Variants in ALCAM observed in about 807,000 individuals in gnomAD.
ALCAM encodes the protein activated leukocyte cell adhesion molecule.
In ALCAM, 30 loss-of-function variants were observed where a neutral mutation model predicts 70.9. The observed-to-expected ratio is 0.42, with a 90% confidence interval of 0.32 to 0.57. ALCAM has a LOEUF of 0.57. Among genes scored for constraint, ALCAM ranks in the 20% least tolerant of loss-of-function variants. The pLI, the probability that ALCAM is intolerant of heterozygous loss-of-function variation, is 0.11. For missense variants in ALCAM, 591 were observed against 695.1 expected (o/e 0.85, Z 1.68); for synonymous variants, 249 against 242.5 (o/e 1.03, Z -0.25).
chr3:105,556,879 C>G (rs868462214), intron 14 of ALCAM, among the ~76,000 whole-genome samples: 3 of 152,020 alleles, frequency 2.0e-5, no homozygotes, highest in Non-Finnish European at 4.4e-5. Context: ...TCATTTATCA[C>G]TGCATGAGAA....
chr3:105,422,441 A>G (rs983978640), intron 1 of ALCAM, among the ~76,000 whole-genome samples: 24 of 151,462 alleles, frequency 1.6e-4, no homozygotes, highest in Non-Finnish European at 7.4e-5. Flanking sequence ...TATCTGAACT[A>G]ATGCACTTTT....
chr3:105,548,282 A>G (rs1264730594), intron 11 of ALCAM, among the ~76,000 whole-genome samples: 5 of 151,314 alleles, frequency 3.3e-5, no homozygotes, highest in South Asian at 2.1e-4. Context: ...TAATTTGCCA[A>G]TCTGCTTGGG....
chr3:105,400,311 TA>T lies in ALCAM; in HGVS notation c.73+32837del, dbSNP rs1419316175. On this transcript the variant is annotated intron_variant, in intron 1 of 15. Transcript: ENST00000306107. ...TACTATTAGGTTTTGAAAAATGCCT[TA>T]AAAAAATCTGCTGCAAACATCATTT... Among the ~76,000 whole-genome samples, 3 of 152,242 alleles carry T rather than the reference TA, an allele frequency of 2.0e-5. No homozygotes were observed. The South Asian group carries it at 6.2e-4, about 32-fold the overall frequency.
chr3:105,508,603 T>C (rs1402634739), intron 1 of ALCAM, among the ~76,000 whole-genome samples: 1 of 152,174 alleles, frequency 6.6e-6, no homozygotes, highest in African/African-American at 2.4e-5. Flanking sequence ...GTCTATTTAA[T>C]CTTTTATTGT....
chr3:105,483,555 G>T (rs1301878932), intron 1 of ALCAM, among the ~76,000 whole-genome samples: 1 of 152,110 alleles, frequency 6.6e-6, no homozygotes, highest in Non-Finnish European at 1.5e-5. Flanking sequence ...AGTTCTGTTT[G>T]TGCCTGTAAA....
intron 1 of ALCAM, among the ~76,000 whole-genome samples, chr3:105,410,212 A>G (rs1936352034): frequency 6.6e-6 from 1 of 151,984 alleles, no homozygotes; most frequent in Non-Finnish European, 1.5e-5. Flanking sequence ...TACCCATACT[A>G]TTTGTAGGTT....
At chr3:105,510,747 T>G (rs1939215112) in intron 1 of ALCAM, among the ~76,000 whole-genome samples, 1 of 152,104 alleles carries the variant, frequency 6.6e-6, no homozygotes, top group South Asian at 2.1e-4. Context: ...TGTAAGAACT[T>G]GTTTTCCTTA....
chr3:105,405,698 A>G (rs964759456), intron 1 of ALCAM, among the ~76,000 whole-genome samples: 1 of 152,194 alleles, frequency 6.6e-6, no homozygotes, highest in Non-Finnish European at 1.5e-5. Context: ...AAATTATATC[A>G]TGTACTCTCT....
At chr3:105,396,516 T>C (rs1338110429) in intron 1 of ALCAM, among the ~76,000 whole-genome samples, 1 of 152,052 alleles carries the variant, frequency 6.6e-6, no homozygotes, top group Non-Finnish European at 1.5e-5. Context: ...ACTGGACTTC[T>C]TCCTAAAAGG....
intron 1 of ALCAM, among the ~76,000 whole-genome samples, chr3:105,380,221 T>C (rs1257432799): frequency 6.6e-6 from 1 of 151,874 alleles, no homozygotes; most frequent in African/African-American, 2.4e-5. Flanking sequence ...ATTTTCAAGC[T>C]AAATTGATAT....
rs543137949 is a variant in ALCAM, at chr3:105,399,868, T to C, written c.73+32387T>C. On this transcript the variant is annotated intron_variant, in intron 1 of 15. Coordinates refer to ENST00000306107, the MANE Select transcript of ALCAM (RefSeq NM_001627.4). ...TTGGCCTTAGAATACAGAGCATTCT[T>C]ACCCACTGGCTAAGATTAACTTGGT... is the stretch of plus-strand genomic sequence containing the variant. 7.2e-5 allele frequency among the ~76,000 whole-genome samples: 11 copies of C among 152,268 alleles called. No individual in the cohort carries two copies. The East Asian group carries it at 1.9e-3, about 27-fold the overall frequency.
At chr3:105,528,013 C>A (rs934845232) in intron 3 of ALCAM, among the ~76,000 whole-genome samples, 1 of 152,132 alleles carries the variant, frequency 6.6e-6, no homozygotes, top group Non-Finnish European at 1.5e-5. Flanking sequence ...ACCTTTTGCT[C>A]ACAGTAGTTG....
rs579565 is a variant in ALCAM at position 105,541,674 on chromosome 3, G to C, written c.900G>C (p.Leu300=). The C allele has an allele frequency of 5.0e-6, 8 of 1,611,932 alleles. No homozygotes were observed. The Admixed American group carries it at 1.2e-4, about 24-fold the overall frequency. The part of the protein sequence containing the change: ...EGIRSSNTYT[L]TDVRRNATGD... ...TAAGAAGCTCAAATACTTACACACT[G>C]ACGGATGTGAGGCGCAATGCAACAG... Residue 300 remains leucine (L), a synonymous_variant, in exon 8 of 16, where the codon CTG becomes CTC. Coordinates refer to ENST00000306107, the MANE Select transcript of ALCAM (RefSeq NM_001627.4).
intron 1 of ALCAM, among the ~76,000 whole-genome samples, chr3:105,454,155 C>A (rs1183268689): frequency 6.6e-6 from 1 of 151,978 alleles, no homozygotes; most frequent in East Asian, 1.9e-4. Context: ...AAATATAATT[C>A]TGAAAACTCT....
At chr3:105,480,114 C>G (rs778580677) in intron 1 of ALCAM, among the ~76,000 whole-genome samples, 6 of 152,098 alleles carry the variant, frequency 3.9e-5, no homozygotes, top group African/African-American at 9.7e-5. Context: ...TCATTGTCCT[C>G]AAATTTATTT....
At chr3:105,496,833 T>G (rs1321112869) in intron 1 of ALCAM, among the ~76,000 whole-genome samples, 4 of 150,922 alleles carry the variant, frequency 2.7e-5, no homozygotes, top group Non-Finnish European at 4.4e-5. Context: ...TTGAGGTGTG[T>G]GTGTGTGTGT....
chr3:105,560,854 G>A (rs62260827), intron 14 of ALCAM, among the ~76,000 whole-genome samples: 18,560 of 152,106 alleles, frequency 0.12, 1,459 homozygotes, highest in Non-Finnish European at 0.18. Context: ...TTTCAACTGT[G>A]ATAATCTTCT....
At chr3:105,446,775 A>G (rs1422554636) in intron 1 of ALCAM, among the ~76,000 whole-genome samples, 1 of 152,142 alleles carries the variant, frequency 6.6e-6, no homozygotes, top group African/African-American at 2.4e-5. Flanking sequence ...GGCCTTCCTT[A>G]TTATCTCACT....
rs1422729944 is a variant in ALCAM, at chr3:105,515,736, C to T, written c.74-4331C>T. 9.9e-5 allele frequency among the ~76,000 whole-genome samples: 15 copies of T among 152,072 alleles called. No homozygotes were observed. In the East Asian group the frequency reaches 2.9e-3, roughly 29 times the overall value. On this transcript the variant is annotated intron_variant, in intron 1 of 15. Coordinates refer to ENST00000306107, the MANE Select transcript of ALCAM (RefSeq NM_001627.4). ...CAATAGTGACCAGGTTGAGAAACAC[C>T]GCTATAAACTAGTGTTACAAAATAT...
Sources: gnomAD v4.1 joint callset for allele counts (sites outside exome capture counted in the v4.1 genomes callset) on GRCh38, gnomAD v4.1.1 for gene constraint, MANE v1.5 for transcripts, NCBI Gene and HGNC (gene_info 2026-07-23, HGNC 2026-07-21) for gene names.